ARHGAP15: variants seen among roughly 807,000 people sequenced by gnomAD.
ARHGAP15 encodes Rho GTPase activating protein 15, also known as rho GTPase-activating protein 15.
In ARHGAP15, 51 loss-of-function variants were observed where a neutral mutation model predicts 63.7. The ratio of observed to expected loss-of-function variants is 0.80; its 90% CI spans 0.64 to 1.01. The LOEUF is 1.01. ARHGAP15 is among the 50% of genes least tolerant of loss of function. The pLI, the probability that ARHGAP15 is intolerant of heterozygous loss-of-function variation, is 0.00. For synonymous variants in ARHGAP15, 191 were observed against 193.8 expected, an observed-to-expected ratio of 0.99 and a Z score of 0.12; for missense variants, 560 against 564.6, an observed-to-expected ratio of 0.99 and a Z score of 0.08.
intron 6 of ARHGAP15, among the ~76,000 whole-genome samples, chr2:143,285,542 C>T (rs1682051010): frequency 6.6e-6 from 1 of 152,096 alleles, no homozygotes; most frequent in East Asian, 1.9e-4. Context: ...ATTCTATGAA[C>T]TACTATAGCA....
At position 143,658,332 on chromosome 2, in the gene ARHGAP15, C is replaced by T. The variant is rs557520776; in HGVS notation, c.1138+34065C>T. ...CAGTAATGGACAGAGCAGGGTAGAA[C>T]TTCGGGTGTATTTGTATCAAAAGCC... On this transcript the variant is annotated intron_variant, in intron 12 of 13. Coordinates refer to ENST00000295095, the MANE Select transcript of ARHGAP15 (RefSeq NM_018460.4). Among the ~76,000 whole-genome samples, 4 of 152,292 alleles carry T rather than the reference C, an allele frequency of 2.6e-5. No individual in the cohort carries two copies. The South Asian group carries it at 6.2e-4, about 24-fold the overall frequency.
chr2:143,298,637 T>C (rs1282583521), intron 6 of ARHGAP15, among the ~76,000 whole-genome samples: 1 of 151,938 alleles, frequency 6.6e-6, no homozygotes, highest in African/African-American at 2.4e-5. Context: ...CATACTACTT[T>C]TAGGAAAAGA....
intron 13 of ARHGAP15, among the ~76,000 whole-genome samples, chr2:143,750,381 C>CA (rs893079603): frequency 1.3e-5 from 2 of 152,082 alleles, no homozygotes; most frequent in Non-Finnish European, 2.9e-5. Flanking sequence ...GCAGAGGTTG[C>CA]AGTGAGCCGG....
At chr2:143,240,870 A>G (rs1490470639) in intron 5 of ARHGAP15, among the ~76,000 whole-genome samples, 1 of 152,212 alleles carries the variant, frequency 6.6e-6, no homozygotes, top group African/African-American at 2.4e-5. Flanking sequence ...ATTTTTTTCT[A>G]GCTTTGGCCA....
chr2:143,764,217 A>T (rs982576571), intron 13 of ARHGAP15, among the ~76,000 whole-genome samples: 6 of 152,156 alleles, frequency 3.9e-5, no homozygotes, highest in Non-Finnish European at 7.4e-5. Context: ...TCCACAGGAA[A>T]TTTAGGTAAT....
chr2:143,628,361 C>G (rs1378763381), intron 12 of ARHGAP15, among the ~76,000 whole-genome samples: 1 of 152,084 alleles, frequency 6.6e-6, no homozygotes, highest in Non-Finnish European at 1.5e-5. Flanking sequence ...ATTGCTGGGC[C>G]CAATGGTAGC....
At chr2:143,243,218 C>A (rs924687113) in intron 5 of ARHGAP15, among the ~76,000 whole-genome samples, 1 of 152,018 alleles carries the variant, frequency 6.6e-6, no homozygotes, top group Non-Finnish European at 1.5e-5. Flanking sequence ...AAATGGGAAA[C>A]TTAATCCCAC....
At chr2:143,462,983 A>C (rs536176051) in intron 8 of ARHGAP15, among the ~76,000 whole-genome samples, 1 of 152,152 alleles carries the variant, frequency 6.6e-6, no homozygotes, top group Admixed American at 6.5e-5. Flanking sequence ...TGCTTGTCCA[A>C]CCTGCAGCCC....
chr2:143,683,463 A>G (rs1211729444), intron 12 of ARHGAP15, among the ~76,000 whole-genome samples: 1 of 152,156 alleles, frequency 6.6e-6, no homozygotes, highest in Non-Finnish European at 1.5e-5. Context: ...AAAACAACAC[A>G]GTTGTGTTGC....
At chr2:143,360,765 T>C (rs1686013478) in intron 6 of ARHGAP15, among the ~76,000 whole-genome samples, 1 of 152,192 alleles carries the variant, frequency 6.6e-6, no homozygotes, top group Non-Finnish European at 1.5e-5. Flanking sequence ...TAAGTACTAA[T>C]AAATAGCACA....
At chr2:143,230,924 CTGAG>C in intron 5 of ARHGAP15, among the ~76,000 whole-genome samples, 1 of 152,274 alleles carries the variant, frequency 6.6e-6, no homozygotes, top group South Asian at 2.1e-4. Flanking sequence ...GACAAGCTGC[CTGAG>C]TGAGTGCAGA....
chr2:143,415,006 A>G (rs1287100956), intron 6 of ARHGAP15, among the ~76,000 whole-genome samples: 1 of 152,228 alleles, frequency 6.6e-6, no homozygotes, highest in East Asian at 1.9e-4. Context: ...AAGCAAGGAT[A>G]GCACCAAAAA....
chr2:143,215,303 G>T (rs1390070192), intron 3 of ARHGAP15, among the ~76,000 whole-genome samples: 1 of 152,058 alleles, frequency 6.6e-6, no homozygotes, highest in Non-Finnish European at 1.5e-5. Context: ...TGGGGTTCTT[G>T]CTATTCTGCC....
chr2:143,695,954 T>C (rs1406372442), intron 12 of ARHGAP15, among the ~76,000 whole-genome samples: 1 of 152,080 alleles, frequency 6.6e-6, no homozygotes, highest in African/African-American at 2.4e-5. Context: ...ATAACATAGA[T>C]AGATACAGCC....
intron 12 of ARHGAP15, among the ~76,000 whole-genome samples, chr2:143,639,793 T>C (rs996793387): frequency 3.3e-5 from 5 of 152,092 alleles, no homozygotes; most frequent in Admixed American, 2.6e-4. Context: ...ATTTCAACCC[T>C]CCATACCCAT....
rs531043384 is a variant in ARHGAP15 at position 143,148,027 on chromosome 2, C to A, written c.-14-7450C>A. On this transcript the variant is annotated intron_variant, in intron 1 of 13. Transcript: ENST00000295095. Reference sequence around the variant, plus strand: ...TCCCCAGGATCTATAAGACAAAATCCCAATTCTTTAATAAAAATAACCAGG... The same window carrying A: ...TCCCCAGGATCTATAAGACAAAATCACAATTCTTTAATAAAAATAACCAGG... 2.4e-4 allele frequency among the ~76,000 whole-genome samples: 37 copies of A among 152,018 alleles called. 1 individual carries two copies. In the South Asian group the frequency reaches 7.7e-3, roughly 32 times the overall value.
chr2:143,656,246 G>A (rs752655588), intron 12 of ARHGAP15: 3 of 152,306 alleles, frequency 2.0e-5, no homozygotes, highest in Middle Eastern at 6.8e-3. Flanking sequence ...ATCAATAAAT[G>A]TTAAGGAATG....
chr2:143,585,044 T>TA lies in ARHGAP15; in HGVS notation c.1003+28565dup, dbSNP rs545698168. On this transcript the variant is annotated intron_variant, in intron 11 of 13. Transcript: ENST00000295095. ...GATGGATCAGAAACATACTGGGTGT[T>TA]AAAAAATCATCCCGAGGTTTAAAAT... Among the ~76,000 whole-genome samples the TA allele has an allele frequency of 2.8e-4, 42 of 152,286 alleles. No homozygotes were observed. In the East Asian group the frequency reaches 6.6e-3, roughly 24 times the overall value.
chr2:143,703,268 C>T lies in ARHGAP15; in HGVS notation c.1139-151C>T, dbSNP rs1368790737. 9.0e-6 allele frequency: 5 copies of T among 556,026 alleles called. No individual in the cohort carries two copies. The Admixed American group carries it at 1.1e-4, about 12-fold the overall frequency. The allele number at this position is 556,026 out of a possible 1,614,324, so 34.4% of individuals were successfully genotyped here. ...AAAATAAAAAGAAACTCCTTAATAA[C>T]CAGGTTGAGTCCACCTATTCCCTTT... On this transcript the variant is annotated intron_variant, in intron 12 of 13. Transcript: ENST00000295095.
Sources: allele counts gnomAD v4.1 joint callset (sites outside exome capture counted in the v4.1 genomes callset), GRCh38; gene constraint gnomAD v4.1.1; transcripts MANE v1.5; gene names NCBI Gene and HGNC (gene_info 2026-07-23, HGNC 2026-07-21).